EDRF1: variants seen among roughly 807,000 people sequenced by gnomAD.
The protein encoded by EDRF1 is erythroid differentiation regulatory factor 1.
In EDRF1, 69 loss-of-function variants were observed where a neutral mutation model predicts 148.7. That is an observed-to-expected ratio of 0.46 (90% CI 0.38 to 0.57). The LOEUF is 0.57. EDRF1 is among the 20% of genes least tolerant of loss of function. The pLI is 0.00. For missense variants in EDRF1, 1,118 were observed against 1,478.7 expected, an observed-to-expected ratio of 0.76 and a Z score of 4.00; for synonymous variants, 515 against 532.8, an observed-to-expected ratio of 0.97 and a Z score of 0.46.
chr10:125,747,730 A>T, intron 20 of EDRF1, 36 bp downstream of exon 20: 1 of 1,612,986 alleles, frequency 6.2e-7, no homozygotes, highest in Non-Finnish European at 8.5e-7. Context: ...ATAAGTTCTC[A>T]ATCTAATTCC....
At chr10:125,749,343 A>G in intron 21 of EDRF1, 69 bp from the exon 22 acceptor site, 1 of 1,587,190 alleles carries the variant, frequency 6.3e-7, no homozygotes, top group Admixed American at 1.7e-5. Flanking sequence ...AAAAATAACT[A>G]AGAAGCACTT....
At position 125,733,796 on chromosome 10, in the gene EDRF1, A is replaced by G. The variant is rs1848592679; in HGVS notation, c.1385+53A>G. 5 of 1,506,232 alleles carry G rather than the reference A, an allele frequency of 3.3e-6. No homozygotes were observed. In the South Asian group the frequency reaches 3.4e-5, roughly 10 times the overall value. 93.3% of individuals were successfully genotyped at this position (1,506,232 alleles called of 1,614,324 possible). A position where few individuals can be genotyped will look rare whatever the true frequency, so the allele number is the denominator to read the frequency against. ...GAAGTAGCCTATTATATAAAGTTTT[A>G]AAGCATACAGTCACAGTTTCCAAAC... On this transcript the variant is annotated intron_variant, in intron 11 of 24. Transcript: ENST00000356792.
intron 22 of EDRF1, chr10:125,752,243 C>T (rs906046823): frequency 1.3e-5 from 2 of 155,694 alleles, no homozygotes; most frequent in Admixed American, 6.3e-5. Flanking sequence ...GACTAAACCT[C>T]TGTACAAGAT....
chr10:125,744,837 A>G (rs1849254830), intron 18 of EDRF1: 1 of 152,270 alleles, frequency 6.6e-6, no homozygotes, highest in Non-Finnish European at 1.5e-5. Flanking sequence ...CAAGATCCCC[A>G]GTGGATGCCT....
At chr10:125,750,160 A>AC (rs1849567623) in intron 22 of EDRF1, among the ~76,000 whole-genome samples, 1 of 152,136 alleles carries the variant, frequency 6.6e-6, no homozygotes, top group African/African-American at 2.4e-5. Context: ...AAACAAACAA[A>AC]AAAAAAGATT....
Position 125,721,361 on chromosome 10 carries a change from C to A in EDRF1, c.266C>A (p.Pro89Gln). The A allele has an allele frequency of 1.2e-6, 2 of 1,614,150 alleles. No homozygotes were observed. Among genetic ancestry groups the A allele is most frequent in the Non-Finnish European group, 1.7e-6 (2 of 1,180,028 alleles). The part of the protein sequence containing the change: ...NWLRESAKLG[P>Q]AGTTILGNSK... ...TTACGAGAGAGTGCCAAACTAGGGC[C>A]AGCAGGAACTACCATTCTTGGCAAC... Residue 89 changes from proline (P) to glutamine (Q), a missense_variant, in exon 2 of 25, where the codon CCA (proline) becomes CAA (glutamine). Coordinates refer to ENST00000356792, the MANE Select transcript of EDRF1 (RefSeq NM_001202438.2).
At chr10:125,721,535 C>A in intron 2 of EDRF1, 123 bp downstream of exon 2, 1 of 958,690 alleles carries the variant, frequency 1.0e-6, no homozygotes, top group Non-Finnish European at 1.6e-6. Flanking sequence ...AGAAAGATCA[C>A]ATTTGATTTT....
At chr10:125,734,027 CAACGAT>C (rs1848608580) in intron 11 of EDRF1, 39 bp from the exon 12 acceptor site, 2 of 1,465,258 alleles carry the variant, frequency 1.4e-6, no homozygotes, top group Non-Finnish European at 1.9e-6. Context: ...GTCTTGCAGA[CAACGAT>C]GAAATGGGCA....
chr10:125,742,191 T>C (rs759800313), intron 17 of EDRF1: 1 of 1,279,246 alleles, frequency 7.8e-7, no homozygotes, highest in South Asian at 1.2e-5. Flanking sequence ...CTGTCTTGCT[T>C]AATATGTCAC....
At chr10:125,735,604 G>A (rs542744913) in intron 12 of EDRF1, 40 bp from the exon 13 acceptor site, 1 of 1,597,066 alleles carries the variant, frequency 6.3e-7, no homozygotes, top group South Asian at 1.1e-5. Context: ...TGTATTTTTT[G>A]ATGACAGTAA....
chr10:125,750,424 T>G (rs968956429), intron 22 of EDRF1: 1 of 152,212 alleles, frequency 6.6e-6, no homozygotes, highest in African/African-American at 2.4e-5. Context: ...GTTCTCCCCC[T>G]CTCTCTCTTG....
At chr10:125,754,725 T>C (rs1454828329) in intron 24 of EDRF1, among the ~76,000 whole-genome samples, 1 of 152,250 alleles carries the variant, frequency 6.6e-6, no homozygotes, top group Non-Finnish European at 1.5e-5. Context: ...GTAATATCAA[T>C]GATATGCCTT....
chr10:125,759,235 C>T (rs1415323242), intron 24 of EDRF1, among the ~76,000 whole-genome samples: 1 of 152,188 alleles, frequency 6.6e-6, no homozygotes, highest in Admixed American at 6.5e-5. Context: ...ACTGGGCCCC[C>T]ACCAACCCAT....
chr10:125,752,011 T>C (rs539565341), intron 22 of EDRF1: 2 of 152,256 alleles, frequency 1.3e-5, no homozygotes, highest in African/African-American at 4.8e-5. Context: ...AGAGTTTTCA[T>C]TGGAACTTGG....
In EDRF1 at chr10:125,749,488, A is replaced by G. The variant is rs1488789616; in HGVS notation, c.3200A>G (p.Gln1067Arg). ...TACAGCAAGGCCGCAAAGCTGTTTC[A>G]GCTGCTGAAAGATGCTCCCTGCGAA... ...LHYSKAAKLF[Q>R]LLKDAPCELL... Residue 1067 changes from glutamine to arginine, a missense_variant, in exon 22 of 25, where the codon CAG (glutamine) becomes CGG (arginine). Physicochemically the swap from Gln to Arg is conservative, Grantham distance 43. This residue lies in a region of EDRF1 where 954 missense variants were observed against 1,241.4 expected (regional missense o/e 0.77). Transcript: ENST00000356792. The G allele has an allele frequency of 1.9e-6, 3 of 1,614,210 alleles. No homozygotes were observed. The highest frequency in any genetic ancestry group is 2.5e-6 in the Non-Finnish European group (3 of 1,180,038).
In EDRF1 at chr10:125,742,944, C is replaced by G; in HGVS notation, c.2372-114C>G. 2.7e-6 allele frequency: 4 copies of G among 1,495,352 alleles called. 1 individual carries two copies. In the Middle Eastern group the frequency reaches 7.1e-4, roughly 265 times the overall value. 92.6% of individuals were successfully genotyped at this position (1,495,352 alleles called of 1,614,324 possible). ...GTTGTATTGATTGAATCTTGGTATACTTACACTATATTGCATTTTTTATTA... is the reference window on the plus strand; with the variant it reads ...GTTGTATTGATTGAATCTTGGTATAGTTACACTATATTGCATTTTTTATTA... On this transcript the variant is annotated intron_variant, in intron 17 of 24. Transcript: ENST00000356792.
At chr10:125,723,686 C>A in intron 3 of EDRF1, 125 bp from the exon 4 acceptor site, 1 of 1,028,084 alleles carries the variant, frequency 9.7e-7, no homozygotes, top group South Asian at 1.5e-5. Context: ...GTTTAAAGTT[C>A]TATTTGTATA....
At chr10:125,745,516 T>G in intron 18 of EDRF1, 191 bp from the exon 19 acceptor site, 1 of 623,698 alleles carries the variant, frequency 1.6e-6, no homozygotes, top group Non-Finnish European at 2.9e-6. Context: ...CTTCAACATA[T>G]GAACTCATAT....
intron 24 of EDRF1, chr10:125,756,953 C>T (rs1455651681): frequency 1.5e-5 from 6 of 397,320 alleles, no homozygotes; most frequent in South Asian, 7.6e-5. Context: ...GCTGGGACCA[C>T]GGGTGTGCCC....
Sources: gnomAD v4.1 joint callset for allele counts (sites outside exome capture counted in the v4.1 genomes callset) on GRCh38, gnomAD v4.1.1 for gene constraint, gnomAD v4.1.1 regional missense constraint, MANE v1.5 for transcripts, NCBI Gene and HGNC (gene_info 2026-07-23, HGNC 2026-07-21) for gene names.